Variants in SHANK2 observed in about 807,000 individuals in gnomAD.
SHANK2 encodes the protein SH3 and multiple ankyrin repeat domains protein 2.
SHANK2 carries 43 observed loss-of-function variants against 133.7 expected under a neutral mutation model. That is an observed-to-expected ratio of 0.32 (90% CI 0.25 to 0.41). SHANK2 has a LOEUF of 0.41. Among genes scored for constraint, SHANK2 ranks in the 10% least tolerant of loss-of-function variants. The probability of loss-of-function intolerance (pLI) is 1.00; values close to 1 mark genes in which losing one functional copy is unlikely to be tolerated. For synonymous variants in SHANK2, 1,017 were observed against 952.8 expected, an observed-to-expected ratio of 1.07 and a Z score of -1.24; for missense variants, 1,994 against 2,235.8, an observed-to-expected ratio of 0.89 and a Z score of 2.18.
At chr11:70,768,894 T>G (rs144330830) in intron 14 of SHANK2, among the ~76,000 whole-genome samples, 4,994 of 152,118 alleles carry the variant, frequency 0.033, 119 homozygotes, top group Non-Finnish European at 0.049. Flanking sequence ...AGTGGCAGTG[T>G]CAGGTCCAGA....
At chr11:70,870,793 T>C (rs1454205348) in intron 11 of SHANK2, among the ~76,000 whole-genome samples, 4 of 152,198 alleles carry the variant, frequency 2.6e-5, no homozygotes, top group Admixed American at 1.3e-4. Context: ...ATTTATTTAT[T>C]TGAGATGGAG....
intron 17 of SHANK2, among the ~76,000 whole-genome samples, chr11:70,561,793 CTA>C (rs2059911329): frequency 2.0e-5 from 3 of 152,062 alleles, no homozygotes; most frequent in African/African-American, 7.2e-5. Context: ...TCTTGGTCTC[CTA>C]AAGTGTTGGG....
chr11:71,076,134 G>A (rs1345050398), intron 8 of SHANK2, among the ~76,000 whole-genome samples: 2 of 152,064 alleles, frequency 1.3e-5, no homozygotes, highest in Admixed American at 6.5e-5. Flanking sequence ...GGCCAGGGAG[G>A]TCCCCGCACA....
intron 17 of SHANK2, among the ~76,000 whole-genome samples, chr11:70,543,270 G>A (rs1180290087): frequency 9.2e-5 from 14 of 152,190 alleles, no homozygotes; most frequent in African/African-American, 3.4e-4. Flanking sequence ...GGACCCTCCA[G>A]AGTGCTGAGT....
chr11:70,537,062 G>T (rs577817868), intron 17 of SHANK2, among the ~76,000 whole-genome samples: 206 of 152,322 alleles, frequency 1.4e-3, no homozygotes, highest in Non-Finnish European at 2.6e-3. Flanking sequence ...GTGGGGGCAC[G>T]GTCTGCCCAT....
chr11:71,182,305 T>C (rs1001160486), intron 2 of SHANK2, among the ~76,000 whole-genome samples: 1 of 152,242 alleles, frequency 6.6e-6, no homozygotes, highest in African/African-American at 2.4e-5. Flanking sequence ...TCTTTTCAAA[T>C]GTGCTTGTAG....
chr11:70,644,722 T>C (rs493026), intron 17 of SHANK2, among the ~76,000 whole-genome samples: 132,593 of 152,288 alleles, frequency 0.87, 57,857 homozygotes, highest in East Asian at 1. Flanking sequence ...CCAGACCTGC[T>C]TGCTAAACCC....
intron 14 of SHANK2, among the ~76,000 whole-genome samples, chr11:70,730,251 A>G (rs1946260079): frequency 6.6e-6 from 1 of 152,120 alleles, no homozygotes; most frequent in African/African-American, 2.4e-5. Flanking sequence ...GGATGTGTAC[A>G]TTGGTTCAAC....
intron 6 of SHANK2, among the ~76,000 whole-genome samples, chr11:71,095,579 A>G (rs1303810078): frequency 2.0e-5 from 3 of 152,238 alleles, no homozygotes; most frequent in Non-Finnish European, 4.4e-5. Context: ...CTCGAAGCAC[A>G]TTCCAGTGAA....
intron 3 of SHANK2, among the ~76,000 whole-genome samples, chr11:71,130,027 T>C (rs1338731784): frequency 1.3e-5 from 2 of 152,204 alleles, no homozygotes; most frequent in African/African-American, 2.4e-5. Context: ...TCTGTGTGTG[T>C]CTGCGTCCTC....
chr11:70,809,105 T>C (rs1555052653), intron 12 of SHANK2, among the ~76,000 whole-genome samples: 1 of 151,060 alleles, frequency 6.6e-6, no homozygotes, highest in East Asian at 2.0e-4. Flanking sequence ...CGGGCGTCCT[T>C]AGAAACAAAC....
chr11:70,845,706 T>A (rs1273330728), intron 11 of SHANK2, among the ~76,000 whole-genome samples: 3 of 152,030 alleles, frequency 2.0e-5, no homozygotes, highest in Non-Finnish European at 4.4e-5. Flanking sequence ...AAAATCAGAA[T>A]GAAACAGACG....
At chr11:71,173,752 G>A (rs1006426832) in intron 2 of SHANK2, among the ~76,000 whole-genome samples, 2 of 152,224 alleles carry the variant, frequency 1.3e-5, no homozygotes, top group African/African-American at 4.8e-5. Context: ...TAAGGAGTGT[G>A]GGCCCTAAAT....
intron 2 of SHANK2, among the ~76,000 whole-genome samples, chr11:71,177,447 A>G (rs1041223629): frequency 6.6e-6 from 1 of 152,216 alleles, no homozygotes; most frequent in African/African-American, 2.4e-5. Context: ...AACTGGTATA[A>G]TACTACTTGA....
At chr11:70,681,101 G>A (rs1386431242) in intron 15 of SHANK2, among the ~76,000 whole-genome samples, 7 of 152,164 alleles carry the variant, frequency 4.6e-5, no homozygotes, top group African/African-American at 1.4e-4. Flanking sequence ...CTGGCTGCTC[G>A]GGGATGCCTC....
rs557113583 is a variant in SHANK2, at chr11:71,181,362, G to A, written c.-12-34024C>T. On this transcript the variant is annotated intron_variant, in intron 2 of 25. Coordinates refer to ENST00000601538, the MANE Select transcript of SHANK2 (RefSeq NM_012309.5). Reference sequence around the variant, plus strand: ...AAGAATGGCAATGACAGCTGGGCACGGTGACATGTGCCTGCAGACCCAGCT... The same window carrying A: ...AAGAATGGCAATGACAGCTGGGCACAGTGACATGTGCCTGCAGACCCAGCT... Among the ~76,000 whole-genome samples, 135 of 152,236 alleles carry A rather than the reference G, an allele frequency of 8.9e-4. 1 individual carries two copies. Among genetic ancestry groups the A allele is most frequent in the African/African-American group, 3.1e-3 (128 of 41,548 alleles).
chr11:71,146,233 G>A (rs1473984257), intron 3 of SHANK2, among the ~76,000 whole-genome samples: 1 of 152,232 alleles, frequency 6.6e-6, no homozygotes, highest in Non-Finnish European at 1.5e-5. Context: ...TCCCCGCCGT[G>A]AGCAAGAGGG....
chr11:70,553,188 G>T (rs2059791315), intron 17 of SHANK2, among the ~76,000 whole-genome samples: 1 of 151,954 alleles, frequency 6.6e-6, no homozygotes, highest in Non-Finnish European at 1.5e-5. Context: ...TGTCTCCCAG[G>T]TTCAAGCAAT....
At chr11:70,748,867 G>A in intron 14 of SHANK2, among the ~76,000 whole-genome samples, 1 of 152,198 alleles carries the variant, frequency 6.6e-6, no homozygotes. Flanking sequence ...GTGGAGAAAA[G>A]CTCTTGGAAA....
Sources: allele counts gnomAD v4.1 joint callset (sites outside exome capture counted in the v4.1 genomes callset), GRCh38; gene constraint gnomAD v4.1.1; transcripts MANE v1.5; gene names NCBI Gene and HGNC (gene_info 2026-07-23, HGNC 2026-07-21).